Variants in EXOC4 observed in about 807,000 individuals in gnomAD.
EXOC4 encodes the protein exocyst complex component 4.
EXOC4 carries 71 observed loss-of-function variants against 107.2 expected under a neutral mutation model. That is an observed-to-expected ratio of 0.66 (90% CI 0.55 to 0.81). The LOEUF (loss-of-function observed/expected upper bound fraction) is 0.81, where lower values mean the gene tolerates loss of function less well. EXOC4 is among the 30% of genes least tolerant of loss of function. The probability of loss-of-function intolerance (pLI) is 0.00; values close to 1 mark genes in which losing one functional copy is unlikely to be tolerated. For synonymous variants in EXOC4, 456 were observed against 441.2 expected (o/e 1.03, Z -0.42); for missense variants, 1,108 against 1,189.6 (o/e 0.93, Z 1.01).
intron 9 of EXOC4, among the ~76,000 whole-genome samples, chr7:133,561,499 A>C (rs1186280120): frequency 6.6e-6 from 1 of 152,168 alleles, no homozygotes; most frequent in Non-Finnish European, 1.5e-5. Context: ...AATCATTTAT[A>C]GTGTGTTTTC....
At position 133,826,174 on chromosome 7, in the gene EXOC4, A is replaced by G. The variant is rs1434685910; in HGVS notation, c.1734+8630A>G. Among the ~76,000 whole-genome samples the G allele has an allele frequency of 2.0e-5, 3 of 152,186 alleles. No individual in the cohort carries two copies. In the East Asian group the frequency reaches 5.8e-4, roughly 29 times the overall value. ...GCACTCACCTGTTCACTTCCAAGATACCAGAGCAAATTAAATTTTTTATTG... is the reference window on the plus strand; with the variant it reads ...GCACTCACCTGTTCACTTCCAAGATGCCAGAGCAAATTAAATTTTTTATTG... On this transcript the variant is annotated intron_variant, in intron 11 of 17. Transcript: ENST00000253861.
chr7:133,668,317 C>T (rs1276092324), intron 10 of EXOC4, among the ~76,000 whole-genome samples: 1 of 152,130 alleles, frequency 6.6e-6, no homozygotes, highest in African/African-American at 2.4e-5. Flanking sequence ...ATCTTTCGGT[C>T]GTGTTCACAG....
At chr7:133,880,054 C>G (rs1798932387) in intron 11 of EXOC4, among the ~76,000 whole-genome samples, 1 of 152,212 alleles carries the variant, frequency 6.6e-6, no homozygotes, top group African/African-American at 2.4e-5. Context: ...TTCACTTACA[C>G]CTTTTCCCTT....
Position 133,855,165 on chromosome 7 carries a change from A to T in EXOC4, c.1734+37621A>T, listed in dbSNP as rs536584273. ...TATAAATATATATATAAATATATAT[A>T]TTTTTTTTATCAGCAAAGAGAAGTG... On this transcript the variant is annotated intron_variant, in intron 11 of 17. Coordinates refer to ENST00000253861, the MANE Select transcript of EXOC4 (RefSeq NM_021807.4). Among the ~76,000 whole-genome samples, 523 of 136,558 alleles carry T rather than the reference A, an allele frequency of 3.8e-3. 2 individuals carry two copies. The highest frequency in any genetic ancestry group is 0.015 in the Middle Eastern group (4 of 270). The allele number at this position is 136,558 out of a possible 152,430, so 89.6% of individuals were successfully genotyped here.
intron 14 of EXOC4, among the ~76,000 whole-genome samples, chr7:133,978,814 T>C (rs1169174009): frequency 6.6e-6 from 1 of 152,198 alleles, no homozygotes; most frequent in Non-Finnish European, 1.5e-5. Context: ...GCCTTCCCTT[T>C]CTTTTTGCCT....
chr7:133,726,639 A>C (rs10237322), intron 10 of EXOC4, among the ~76,000 whole-genome samples: 2,018 of 152,282 alleles, frequency 0.013, 47 homozygotes, highest in African/African-American at 0.045. Context: ...GTGAAATGCC[A>C]TTCTGTCCTT....
downstream of EXOC4, among the ~76,000 whole-genome samples, chr7:134,070,093 G>A (rs1388681639): frequency 6.6e-6 from 1 of 152,188 alleles, no homozygotes; most frequent in Non-Finnish European, 1.5e-5. Context: ...ACCTGAGAGC[G>A]ATTGTCTTAA....
intron 10 of EXOC4, among the ~76,000 whole-genome samples, chr7:133,749,971 T>G (rs1162620307): frequency 1.0e-4 from 15 of 146,434 alleles, no homozygotes; most frequent in South Asian, 4.4e-4. Context: ...TTTTTTTTTT[T>G]TTTTTTTTTT....
At chr7:133,323,944 G>T (rs545911309) in intron 5 of EXOC4, among the ~76,000 whole-genome samples, 4 of 152,164 alleles carry the variant, frequency 2.6e-5, no homozygotes, top group Non-Finnish European at 4.4e-5. Context: ...TCTTGGGAGG[G>T]TGTATGTGTC....
chr7:134,025,223 T>TA (rs768487849), intron 17 of EXOC4, among the ~76,000 whole-genome samples: 11 of 152,336 alleles, frequency 7.2e-5, no homozygotes, highest in Non-Finnish European at 2.9e-5. Flanking sequence ...TTTGGAGTCT[T>TA]ACATTATTAT....
chr7:133,562,550 A>G (rs2150951984), intron 9 of EXOC4, among the ~76,000 whole-genome samples: 1 of 152,310 alleles, frequency 6.6e-6, no homozygotes. Flanking sequence ...TTTCTTACCT[A>G]GGAAAAATAT....
intron 6 of EXOC4, among the ~76,000 whole-genome samples, chr7:133,364,117 C>A (rs553516480): frequency 6.6e-6 from 1 of 151,888 alleles, no homozygotes; most frequent in Non-Finnish European, 1.5e-5. Context: ...TGGGCACATA[C>A]GAAATGCCTA....
At chr7:134,044,430 A>G (rs1448036662) in intron 17 of EXOC4, among the ~76,000 whole-genome samples, 1 of 152,184 alleles carries the variant, frequency 6.6e-6, no homozygotes, top group Non-Finnish European at 1.5e-5. Context: ...GTAAAAAACT[A>G]GGTTCAGGTT....
At chr7:133,690,553 G>A (rs540919875) in intron 10 of EXOC4, among the ~76,000 whole-genome samples, 46 of 152,214 alleles carry the variant, frequency 3.0e-4, no homozygotes, top group African/African-American at 8.9e-4. Flanking sequence ...GGATTCTGGC[G>A]AATCAAATGC....
intron 10 of EXOC4, among the ~76,000 whole-genome samples, chr7:133,653,495 A>G (rs556004505): frequency 6.6e-5 from 10 of 152,354 alleles, no homozygotes; most frequent in Non-Finnish European, 1.3e-4. Context: ...ATGCAGCAGT[A>G]CATTTATCTC....
At chr7:133,600,542 C>T (rs1196841983) in intron 9 of EXOC4, among the ~76,000 whole-genome samples, 5 of 152,088 alleles carry the variant, frequency 3.3e-5, no homozygotes, top group Non-Finnish European at 5.9e-5. Context: ...TGGAGAGAAT[C>T]GATGTTGCAA....
intron 11 of EXOC4, among the ~76,000 whole-genome samples, chr7:133,842,436 C>T (rs915835762): frequency 6.6e-6 from 1 of 152,172 alleles, no homozygotes; most frequent in Admixed American, 6.5e-5. Context: ...TTCTTGGCCA[C>T]ATGTATGTGT....
chr7:133,617,025 G>A (rs958851434), intron 9 of EXOC4, among the ~76,000 whole-genome samples: 4 of 152,000 alleles, frequency 2.6e-5, no homozygotes, highest in South Asian at 2.1e-4. Flanking sequence ...ACTTAACACC[G>A]TATACTTTAT....
chr7:133,942,804 C>T (rs1409227675), intron 14 of EXOC4, among the ~76,000 whole-genome samples: 1 of 152,114 alleles, frequency 6.6e-6, no homozygotes. Context: ...TGATCATTTT[C>T]TTGTGCCTAA....
Sources: gnomAD v4.1 joint callset for allele counts (sites outside exome capture counted in the v4.1 genomes callset) on GRCh38, gnomAD v4.1.1 for gene constraint, MANE v1.5 for transcripts, NCBI Gene and HGNC (gene_info 2026-07-23, HGNC 2026-07-21) for gene names.